RASGEF1C: variants seen among roughly 807,000 people sequenced by gnomAD.
RASGEF1C encodes RasGEF domain family member 1C.
RASGEF1C carries 27 observed loss-of-function variants against 58.1 expected under a neutral mutation model. That is an observed-to-expected ratio of 0.46 (90% CI 0.34 to 0.64). The LOEUF is 0.64. Among genes scored for constraint, RASGEF1C ranks in the 30% least tolerant of loss-of-function variants. The pLI, the probability that RASGEF1C is intolerant of heterozygous loss-of-function variation, is 0.01. For synonymous variants in RASGEF1C, 243 were observed against 246.3 expected (o/e 0.99, Z 0.13); for missense variants, 502 against 605.1 (o/e 0.83, Z 1.79).
chr5:180,188,801 A>G (rs540491071), intron 1 of RASGEF1C, among the ~76,000 whole-genome samples: 5 of 152,290 alleles, frequency 3.3e-5, no homozygotes, highest in Non-Finnish European at 5.9e-5. Flanking sequence ...ATAGTACCCA[A>G]TAGTTTTTCA....
chr5:180,122,586 C>G (rs1417777805), intron 6 of RASGEF1C, among the ~76,000 whole-genome samples: 2 of 151,800 alleles, frequency 1.3e-5, no homozygotes, highest in Non-Finnish European at 2.9e-5. Flanking sequence ...ACTAAATATA[C>G]AAAAATTAGC....
rs1293200533 is a variant in RASGEF1C, at chr5:180,169,799, T to C, written c.-6-31741A>G. ...CCCCAGCACCCACCCCCCGACCCCA[T>C]GGGGCTCCAAGCCCGCCTCTCTGGC... On this transcript the variant is annotated intron_variant, in intron 1 of 13. Transcript: ENST00000361132. 5.4e-5 allele frequency among the ~76,000 whole-genome samples: 4 copies of C among 73,422 alleles called. No individual in the cohort carries two copies. The East Asian group carries it at 1.2e-3, about 23-fold the overall frequency. The allele number at this position is 73,422 out of a possible 152,430, so 48.2% of individuals were successfully genotyped here. A position where few individuals can be genotyped will look rare whatever the true frequency, so the allele number is the denominator to read the frequency against.
At position 180,128,549 on chromosome 5, in the gene RASGEF1C, CGCAGAGCCGCCAGCTTCTGGT is replaced by C. The variant is rs1561737093; in HGVS notation, c.479_499del (p.His160_Leu166del). ...ACCCACCAGACCTTCTGGCCCCTGG[CGCAGAGCCGCCAGCTTCTGGT>C]GCAGAGCCTGTAGGAGCTGATGCAT... On this transcript the variant is annotated inframe_deletion, in exon 5 of 14. Transcript: ENST00000361132. 4 of 1,613,940 alleles carry C rather than the reference CGCAGAGCCGCCAGCTTCTGGT, an allele frequency of 2.5e-6. No homozygotes were observed. Among genetic ancestry groups the C allele is most frequent in the South Asian group, 2.2e-5 (2 of 91,088 alleles).
Position 180,181,773 on chromosome 5 carries a change from C to A in RASGEF1C, c.-7+27255G>T, listed in dbSNP as rs557147131. ...AGTCTGTGACACTTTGTTAAGGCAG[C>A]CCTAGGAAAGTGATACAAACACAAG... On this transcript the variant is annotated intron_variant, in intron 1 of 13. Coordinates refer to ENST00000361132, the MANE Select transcript of RASGEF1C (RefSeq NM_175062.4). 2.6e-5 allele frequency among the ~76,000 whole-genome samples: 4 copies of A among 152,294 alleles called. No homozygotes were observed. The South Asian group carries it at 8.3e-4, about 32-fold the overall frequency.
chr5:180,103,223 A>G (rs572018369), intron 12 of RASGEF1C, among the ~76,000 whole-genome samples: 2,510 of 152,162 alleles, frequency 0.016, 33 homozygotes, highest in East Asian at 0.021. Context: ...GACTACAGGT[A>G]CCCACCACCA....
At position 180,114,446 on chromosome 5, in the gene RASGEF1C, C is replaced by T; in HGVS notation, c.1179G>A (p.Glu393=). 1 of 1,612,154 alleles carries T rather than the reference C, an allele frequency of 6.2e-7. No individual in the cohort carries two copies. The highest frequency in any genetic ancestry group is 8.5e-7 in the Non-Finnish European group (1 of 1,178,812). The stretch of plus-strand genomic sequence containing the variant: ...GTGGCGGTCCACACGGAGGTCCTAC[C>T]TCAAAGTTGACGTGTCCATTGGGAA... ...NRLPNGHVNF[E]KFLELAKQVG... is the part of the protein sequence containing the mutation. The change falls in exon 11 of 14, where the codon GAG becomes GAA. Residue 393 remains glutamate (E), a splice_region_variant and synonymous_variant. Coordinates refer to ENST00000361132, the MANE Select transcript of RASGEF1C (RefSeq NM_175062.4).
At chr5:180,173,741 C>CT (rs1438304081) in intron 1 of RASGEF1C, among the ~76,000 whole-genome samples, 1 of 151,900 alleles carries the variant, frequency 6.6e-6, no homozygotes, top group East Asian at 1.9e-4. Context: ...GGTGAAACCC[C>CT]GTCTCTACTA....
intron 4 of RASGEF1C, among the ~76,000 whole-genome samples, chr5:180,131,023 C>T (rs1194669878): frequency 6.6e-6 from 1 of 152,052 alleles, no homozygotes; most frequent in Non-Finnish European, 1.5e-5. Flanking sequence ...CCACCCCTCT[C>T]TAGTTCATTT....
At chr5:180,187,321 GAAA>G (rs1756060759) in intron 1 of RASGEF1C, among the ~76,000 whole-genome samples, 1 of 152,158 alleles carries the variant, frequency 6.6e-6, no homozygotes, top group Non-Finnish European at 1.5e-5. Flanking sequence ...ACTCTCAGGA[GAAA>G]ACCTGGGGAG....
chr5:180,113,476 C>T (rs866809520), intron 11 of RASGEF1C, among the ~76,000 whole-genome samples: 22 of 50,678 alleles, frequency 4.3e-4, no homozygotes, highest in African/African-American at 1.7e-3. Context: ...ACGGAGTGAC[C>T]GGGGATGGAC....
In RASGEF1C at chr5:180,153,657, G is replaced by A. The variant is rs1766803045; in HGVS notation, c.-6-15599C>T. ...GCTATTGCTACTGTGTTTTGTATAT[G>A]GCTTTGTATAGCATCTTATTCGTTC... On this transcript the variant is annotated intron_variant, in intron 1 of 13. Coordinates refer to ENST00000361132, the MANE Select transcript of RASGEF1C (RefSeq NM_175062.4). Among the ~76,000 whole-genome samples the A allele has an allele frequency of 1.3e-5, 2 of 152,112 alleles. 1 individual carries two copies. Among genetic ancestry groups the A allele is most frequent in the South Asian group, 4.1e-4 (2 of 4,836 alleles).
At chr5:180,132,403 C>G (rs1766386133) in intron 4 of RASGEF1C, among the ~76,000 whole-genome samples, 1 of 152,248 alleles carries the variant, frequency 6.6e-6, no homozygotes, top group South Asian at 2.1e-4. Context: ...AGCTGGAACC[C>G]CTGTCCCTGA....
rs184704983 is a variant in RASGEF1C, at chr5:180,153,087, G to A, written c.-6-15029C>T. Reference sequence around the variant, plus strand: ...CTTTTGAATGTTCTAGTCCTTAAATGCCTGGCTCCCAAATGGGGAAAATGG... The same window carrying A: ...CTTTTGAATGTTCTAGTCCTTAAATACCTGGCTCCCAAATGGGGAAAATGG... On this transcript the variant is annotated intron_variant, in intron 1 of 13. Transcript: ENST00000361132. Among the ~76,000 whole-genome samples, 54 of 152,132 alleles carry A rather than the reference G, an allele frequency of 3.5e-4. 1 individual carries two copies. Among genetic ancestry groups the A allele is most frequent in the Middle Eastern group, 6.8e-3 (2 of 294 alleles).
intron 6 of RASGEF1C, 123 bp downstream of exon 6, chr5:180,127,486 G>T: frequency 2.3e-6 from 2 of 863,688 alleles, no homozygotes; most frequent in Non-Finnish European, 3.3e-6. Context: ...AGGGCCCCCC[G>T]AGCCCACCTG....
chr5:180,136,588 G>A (rs1342739071), intron 3 of RASGEF1C, 73 bp from the exon 4 acceptor site: 5 of 1,481,406 alleles, frequency 3.4e-6, no homozygotes, highest in Non-Finnish European at 4.5e-6. Context: ...GCGCGTCCTT[G>A]CGGGTCTGGC....
At chr5:180,148,108 C>T (rs1418902372) in intron 1 of RASGEF1C, among the ~76,000 whole-genome samples, 1 of 152,072 alleles carries the variant, frequency 6.6e-6, no homozygotes, top group Non-Finnish European at 1.5e-5. Flanking sequence ...CCTTCTTTGT[C>T]TCTGGTAATC....
chr5:180,194,004 G>GTTTT (rs1176398364), intron 1 of RASGEF1C, among the ~76,000 whole-genome samples: 1 of 148,982 alleles, frequency 6.7e-6, no homozygotes, highest in Non-Finnish European at 1.5e-5. Flanking sequence ...TCTGTATGGT[G>GTTTT]TTTGTTTGTT....
intron 1 of RASGEF1C, among the ~76,000 whole-genome samples, chr5:180,157,627 C>CAA (rs71001077): frequency 0.038 from 4,999 of 131,286 alleles, 119 homozygotes; most frequent in Non-Finnish European, 0.058. Flanking sequence ...AACTCCGTCT[C>CAA]AAAAAAAAAA....
intron 1 of RASGEF1C, among the ~76,000 whole-genome samples, chr5:180,200,461 C>T (rs1756368119): frequency 6.6e-6 from 1 of 151,560 alleles, no homozygotes; most frequent in Admixed American, 6.6e-5. Context: ...AGGCGCCCGC[C>T]ACCACGCCAG....
Sources: allele counts gnomAD v4.1 joint callset (sites outside exome capture counted in the v4.1 genomes callset), GRCh38; gene constraint gnomAD v4.1.1; transcripts MANE v1.5; gene names NCBI Gene and HGNC (gene_info 2026-07-23, HGNC 2026-07-21).